Variants in ALK observed in about 807,000 individuals in gnomAD.
ALK encodes ALK tyrosine kinase receptor.
A neutral mutation model predicts 163.1 loss-of-function variants in ALK; 74 were observed. The ratio of observed to expected loss-of-function variants is 0.45; its 90% CI spans 0.38 to 0.55. ALK has a LOEUF of 0.55. ALK is among the 20% of genes least tolerant of loss of function. ALK has a pLI of 0.00. For missense variants in ALK, 2,063 were observed against 2,105.3 expected (o/e 0.98, Z 0.39); for synonymous variants, 960 against 843.2 (o/e 1.14, Z -2.40).
At chr2:29,909,852 A>T (rs997994641) in intron 1 of ALK, among the ~76,000 whole-genome samples, 5 of 152,198 alleles carry the variant, frequency 3.3e-5, no homozygotes, top group African/African-American at 4.8e-5. Flanking sequence ...ACAAAGCTTG[A>T]CAATAATCCT....
intron 1 of ALK, among the ~76,000 whole-genome samples, chr2:29,725,381 AC>A (rs1280964543): frequency 6.6e-6 from 1 of 151,566 alleles, no homozygotes; most frequent in Non-Finnish European, 1.5e-5. Context: ...CCTAAATCCT[AC>A]CCCTTCTTAA....
chr2:29,547,424 C>A (rs1673585474), intron 3 of ALK, among the ~76,000 whole-genome samples: 2 of 152,250 alleles, frequency 1.3e-5, no homozygotes, highest in Non-Finnish European at 2.9e-5. Flanking sequence ...TGGTGAAACC[C>A]CATCTCTACT....
chr2:29,902,570 G>T (rs1049145467), intron 1 of ALK, among the ~76,000 whole-genome samples: 4 of 152,104 alleles, frequency 2.6e-5, no homozygotes, highest in Admixed American at 6.5e-5. Flanking sequence ...GCTCTCCAAG[G>T]TCCTGGCCCC....
chr2:29,743,954 A>T (rs1411149583), intron 1 of ALK, among the ~76,000 whole-genome samples: 2 of 151,954 alleles, frequency 1.3e-5, no homozygotes, highest in African/African-American at 4.8e-5. Context: ...ATAAAAAAAA[A>T]AATGCTTAGA....
chr2:29,724,999 A>G (rs994794296), intron 1 of ALK, among the ~76,000 whole-genome samples: 1 of 152,038 alleles, frequency 6.6e-6, no homozygotes, highest in Admixed American at 6.5e-5. Flanking sequence ...GGACCCATGT[A>G]TAACTTTTGT....
intron 1 of ALK, among the ~76,000 whole-genome samples, chr2:29,812,872 A>G (rs1664793353): frequency 6.6e-6 from 1 of 152,220 alleles, no homozygotes; most frequent in Non-Finnish European, 1.5e-5. Context: ...CCTCCAACAC[A>G]CACACAATCT....
At chr2:29,699,236 C>T (rs1437992561) in intron 2 of ALK, among the ~76,000 whole-genome samples, 1 of 152,196 alleles carries the variant, frequency 6.6e-6, no homozygotes, top group East Asian at 1.9e-4. Context: ...GGGTGGGAAA[C>T]TACCTTCCCT....
intron 1 of ALK, among the ~76,000 whole-genome samples, chr2:29,896,015 G>A (rs1046222738): frequency 6.6e-6 from 1 of 152,190 alleles, no homozygotes; most frequent in African/African-American, 2.4e-5. Flanking sequence ...TACTGAATGT[G>A]TCCCTAGGAT....
chr2:29,209,125 TGAG>T (rs1387916243), intron 25 of ALK, among the ~76,000 whole-genome samples: 1 of 151,420 alleles, frequency 6.6e-6, no homozygotes, highest in Non-Finnish European at 1.5e-5. Context: ...TCCTGAGTAC[TGAG>T]GAGTTGAGGA....
intron 3 of ALK, among the ~76,000 whole-genome samples, chr2:29,563,300 C>T (rs4233743): frequency 0.96 from 146,871 of 152,330 alleles, 71,039 homozygotes; most frequent in East Asian, 1. Flanking sequence ...GAACACCTAG[C>T]GCTATTCAGA....
intron 3 of ALK, among the ~76,000 whole-genome samples, chr2:29,681,934 T>A (rs1380011361): frequency 6.6e-6 from 1 of 152,298 alleles, no homozygotes; most frequent in Non-Finnish European, 1.5e-5. Flanking sequence ...CACAGGCTTC[T>A]GGAATTCACC....
intron 3 of ALK, among the ~76,000 whole-genome samples, chr2:29,580,437 G>A (rs996164490): frequency 1.3e-5 from 2 of 152,154 alleles, no homozygotes; most frequent in South Asian, 2.1e-4. Context: ...GCTGGCATCT[G>A]AGCAACCTTA....
chr2:29,724,606 G>A (rs1679516793), intron 1 of ALK, among the ~76,000 whole-genome samples: 2 of 152,206 alleles, frequency 1.3e-5, no homozygotes, highest in South Asian at 2.1e-4. Flanking sequence ...TCAGAGAAAG[G>A]AGAGAGTTTG....
At chr2:29,502,631 G>A (rs10445965) in intron 4 of ALK, among the ~76,000 whole-genome samples, 37,215 of 151,868 alleles carry the variant, frequency 0.25, 4,732 homozygotes, top group East Asian at 0.32. Flanking sequence ...GAACAGCACC[G>A]GCCTGGGTAT....
chr2:29,556,601 G>A (rs1200027289), intron 3 of ALK, among the ~76,000 whole-genome samples: 1 of 152,174 alleles, frequency 6.6e-6, no homozygotes. Context: ...GTGATTTCAT[G>A]AATTCACTCT....
intron 11 of ALK, among the ~76,000 whole-genome samples, chr2:29,257,091 C>T (rs548982632): frequency 1.4e-4 from 22 of 152,276 alleles, no homozygotes; most frequent in African/African-American, 3.1e-4. Context: ...TGCTGAGGGT[C>T]TGCCTTGGTC....
intron 11 of ALK, among the ~76,000 whole-genome samples, chr2:29,252,893 T>C (rs1019395401): frequency 6.6e-6 from 1 of 151,934 alleles, no homozygotes; most frequent in African/African-American, 2.4e-5. Context: ...GGTACAATCA[T>C]GGCTTCCTGC....
chr2:29,372,511 G>T (rs1668662091), intron 5 of ALK, among the ~76,000 whole-genome samples: 1 of 152,228 alleles, frequency 6.6e-6, no homozygotes. Context: ...CACAGGGAAT[G>T]GTAGAGCTAA....
At position 29,207,286 on chromosome 2, in the gene ALK, G is replaced by C. The variant is rs754741366; in HGVS notation, c.3837-14C>G. 5 of 1,604,352 alleles carry C rather than the reference G, an allele frequency of 3.1e-6. No homozygotes were observed. In the South Asian group the frequency reaches 5.5e-5, roughly 18 times the overall value. ...TAGTAGCTCGCCCTGTGGGGAAGGA[G>C]AGGAAAACCAAACTAGGATCTGGAG... On this transcript the variant is annotated splice_polypyrimidine_tract_variant and intron_variant, in intron 25 of 28. Transcript: ENST00000389048.
Sources: allele counts gnomAD v4.1 joint callset (sites outside exome capture counted in the v4.1 genomes callset), GRCh38; gene constraint gnomAD v4.1.1; transcripts MANE v1.5; gene names NCBI Gene and HGNC (gene_info 2026-07-23, HGNC 2026-07-21).